CD47: variants seen among roughly 807,000 people sequenced by gnomAD.
The protein encoded by CD47 is leukocyte surface antigen CD47.
In CD47, 11 loss-of-function variants were observed where a neutral mutation model predicts 44.6. The observed-to-expected ratio is 0.25, with a 90% confidence interval of 0.16 to 0.41. The LOEUF (loss-of-function observed/expected upper bound fraction) is 0.41, where lower values mean the gene tolerates loss of function less well. Ranked by LOEUF, CD47 falls within the 10% of genes least tolerant of loss-of-function variation. CD47 has a pLI of 1.00. For synonymous variants in CD47, 140 were observed against 136.3 expected (o/e 1.03, Z -0.19); for missense variants, 306 against 386.7 (o/e 0.79, Z 1.75).
In CD47 at chr3:108,045,087, A is replaced by G. The variant is rs2078701673; in HGVS notation, c.*2201T>C. ...AGAGAAGCTGACAACTAGTGAGAGC[A>G]AGAGTTGGTTTCATCTGGCATTTCC... is the stretch of plus-strand genomic sequence containing the variant. On this transcript the variant is annotated 3_prime_UTR_variant, in exon 11 of 11. Coordinates refer to ENST00000361309, the MANE Select transcript of CD47 (RefSeq NM_001777.4). 1 of 152,662 alleles carries G rather than the reference A, an allele frequency of 6.6e-6. No individual in the cohort carries two copies. The highest frequency in any genetic ancestry group is 1.5e-5 in the Non-Finnish European group (1 of 68,058). 9.5% of individuals were successfully genotyped at this position (152,662 alleles called of 1,614,324 possible).
rs528551985 is a variant in CD47, at chr3:108,043,524, T to G, written c.*3764A>C. The G allele has an allele frequency of 6.6e-6, 1 of 151,960 alleles. No individual in the cohort carries two copies. The highest frequency in any genetic ancestry group is 1.5e-5 in the Non-Finnish European group (1 of 67,924). 9.4% of individuals were successfully genotyped at this position (151,960 alleles called of 1,614,324 possible). On this transcript the variant is annotated 3_prime_UTR_variant, in exon 11 of 11. Transcript: ENST00000361309. ...CTGCAAAAAAATGGCTACTGACAAA[T>G]AGCACACCTTTAATTGCTATGCAAA... is the stretch of plus-strand genomic sequence containing the variant.
intron 1 of CD47, among the ~76,000 whole-genome samples, chr3:108,089,833 C>G (rs1249050725): frequency 6.6e-6 from 1 of 152,174 alleles, no homozygotes; most frequent in Non-Finnish European, 1.5e-5. Context: ...ATTGCTGTCA[C>G]TGGTGCTCAA....
At chr3:108,069,882 T>C (rs2079168090) in intron 3 of CD47, among the ~76,000 whole-genome samples, 1 of 152,214 alleles carries the variant, frequency 6.6e-6, no homozygotes, top group Non-Finnish European at 1.5e-5. Context: ...ACACCAGTCC[T>C]TTTCTTGACA....
chr3:108,047,220 C>A lies in CD47; in HGVS notation c.*68G>T. ...ACAGTGAATCATCAAGGCCATGGTG[C>A]TTAAACACAAGTGTATTCCTTTCAC... On this transcript the variant is annotated 3_prime_UTR_variant, in exon 11 of 11. Coordinates refer to ENST00000361309, the MANE Select transcript of CD47 (RefSeq NM_001777.4). 1 of 1,362,240 alleles carries A rather than the reference C, an allele frequency of 7.3e-7. No individual in the cohort carries two copies. The highest frequency in any genetic ancestry group is 1.0e-6 in the Non-Finnish European group (1 of 964,862). 84.4% of individuals were successfully genotyped at this position (1,362,240 alleles called of 1,614,324 possible).
intron 1 of CD47, among the ~76,000 whole-genome samples, chr3:108,085,739 G>A (rs940193255): frequency 1.3e-5 from 2 of 152,144 alleles, no homozygotes; most frequent in Non-Finnish European, 2.9e-5. Flanking sequence ...ACAGGGTCCA[G>A]AAAGTAGGAT....
chr3:108,084,248 A>C (rs1229245361), intron 1 of CD47, among the ~76,000 whole-genome samples: 2 of 151,910 alleles, frequency 1.3e-5, no homozygotes, highest in African/African-American at 4.8e-5. Flanking sequence ...GTCACCACCA[A>C]TCCCTTGTGA....
At chr3:108,083,787 C>CGA (rs1167340176) in intron 1 of CD47, among the ~76,000 whole-genome samples, 1 of 151,966 alleles carries the variant, frequency 6.6e-6, no homozygotes, top group African/African-American at 2.4e-5. Context: ...TACTCTCCAA[C>CGA]AGTCCTCTCT....
At chr3:108,059,205 G>A (rs1399898843) in intron 5 of CD47, among the ~76,000 whole-genome samples, 17 of 151,988 alleles carry the variant, frequency 1.1e-4, no homozygotes, top group Admixed American at 1.1e-3. Flanking sequence ...GAAGTTATAT[G>A]GCATAATTTA....
chr3:108,069,818 A>G (rs1210838312), intron 3 of CD47, among the ~76,000 whole-genome samples: 2 of 152,198 alleles, frequency 1.3e-5, no homozygotes, highest in African/African-American at 4.8e-5. Context: ...GGCTCTGCCA[A>G]TATGGTTAAA....
At chr3:108,079,591 A>AC (rs2079377492) in intron 2 of CD47, among the ~76,000 whole-genome samples, 1 of 149,214 alleles carries the variant, frequency 6.7e-6, no homozygotes, top group South Asian at 2.1e-4. Context: ...AAAAAAAAAA[A>AC]AAAACACAAA....
intron 3 of CD47, among the ~76,000 whole-genome samples, chr3:108,062,266 T>C (rs932238973): frequency 1.3e-5 from 2 of 152,148 alleles, no homozygotes; most frequent in Admixed American, 1.3e-4. Flanking sequence ...TGCCTTCTTA[T>C]AAGGCACAGA....
chr3:108,068,572 T>C (rs2079143096), intron 3 of CD47, among the ~76,000 whole-genome samples: 1 of 152,116 alleles, frequency 6.6e-6, no homozygotes, highest in African/African-American at 2.4e-5. Context: ...GGCAGTACAG[T>C]GCAGTGGTAA....
At chr3:108,058,652 C>A (rs900489628) in intron 5 of CD47, among the ~76,000 whole-genome samples, 1 of 152,184 alleles carries the variant, frequency 6.6e-6, no homozygotes, top group South Asian at 2.1e-4. Context: ...GTCAGCTAAG[C>A]TGGACTGGAA....
intron 3 of CD47, among the ~76,000 whole-genome samples, chr3:108,069,005 T>C (rs1368799429): frequency 6.6e-6 from 1 of 152,170 alleles, no homozygotes; most frequent in Admixed American, 6.5e-5. Flanking sequence ...TCCACCTTAC[T>C]AACACAAAAA....
chr3:108,049,587 A>T (rs762362756), intron 10 of CD47, 32 bp downstream of exon 10: 104 of 1,354,650 alleles, frequency 7.7e-5, no homozygotes, highest in Non-Finnish European at 1.1e-4. Flanking sequence ...GTTTTAACTG[A>T]TCTATAATTA....
At chr3:108,071,993 CAT>C (rs1056111850) in intron 2 of CD47, among the ~76,000 whole-genome samples, 16 of 152,138 alleles carry the variant, frequency 1.1e-4, no homozygotes, top group African/African-American at 2.2e-4. Context: ...AAGTTGGTCA[CAT>C]GTTACTTTTA....
intron 2 of CD47, among the ~76,000 whole-genome samples, chr3:108,072,362 T>C (rs993201951): frequency 6.6e-6 from 1 of 152,210 alleles, no homozygotes; most frequent in African/African-American, 2.4e-5. Flanking sequence ...TAGCCACATA[T>C]TTCTTGTGTT....
chr3:108,067,543 G>A (rs1214013112), intron 3 of CD47, among the ~76,000 whole-genome samples: 1 of 152,214 alleles, frequency 6.6e-6, no homozygotes, highest in Admixed American at 6.5e-5. Context: ...AATCAGCCAG[G>A]AACTTAATTG....
chr3:108,069,401 T>G (rs1402964590), intron 3 of CD47, among the ~76,000 whole-genome samples: 1 of 151,820 alleles, frequency 6.6e-6, no homozygotes, highest in Non-Finnish European at 1.5e-5. Context: ...TATGGTTACC[T>G]TTTTTTAAAA....
Sources: gnomAD v4.1 joint callset for allele counts (sites outside exome capture counted in the v4.1 genomes callset) on GRCh38, gnomAD v4.1.1 for gene constraint, MANE v1.5 for transcripts, NCBI Gene and HGNC (gene_info 2026-07-23, HGNC 2026-07-21) for gene names.